TRIO: variants seen among roughly 807,000 people sequenced by gnomAD.
TRIO encodes the protein triple functional domain protein.
A neutral mutation model predicts 351.9 loss-of-function variants in TRIO; 58 were observed. That is an observed-to-expected ratio of 0.16 (90% confidence interval 0.13 to 0.21). The LOEUF is 0.21. Ranked by LOEUF, TRIO falls within the 10% of genes least tolerant of loss-of-function variation. The probability of loss-of-function intolerance (pLI) is 1.00; values close to 1 mark genes in which losing one functional copy is unlikely to be tolerated. For missense variants in TRIO, 3,201 were observed against 4,027.8 expected (o/e 0.79, Z 5.56); for synonymous variants, 1,758 against 1,595.7 (o/e 1.10, Z -2.42).
In TRIO at chr5:14,472,712, A is replaced by G. The variant is rs149771551; in HGVS notation, c.5979+54A>G. 1,974 of 1,593,858 alleles carry G rather than the reference A, an allele frequency of 1.2e-3. 16 individuals carry two copies. The African/African-American group carries it at 0.023, about 19-fold the overall frequency. ...CGTATCAGTTCCAAGAGTTGTCAAA[A>G]GTAGTATCGTTTTAGACAGTTGAAC... On this transcript the variant is annotated intron_variant, in intron 39 of 56. Coordinates refer to ENST00000344204, the MANE Select transcript of TRIO (RefSeq NM_007118.4).
Position 14,498,921 on chromosome 5 carries a change from C to T in TRIO, c.8332+281C>T, listed in dbSNP as rs79777424. The stretch of plus-strand genomic sequence containing the variant: ...TGCCTGGTGAAGGCCTCTGGCTGCC[C>T]ACCATGGGGCACCAGGGCCCCCCAC... On this transcript the variant is annotated intron_variant, in intron 53 of 56. Transcript: ENST00000344204. The T allele has an allele frequency of 1.2e-3, 391 of 338,354 alleles. 1 individual carries two copies. Among genetic ancestry groups the T allele is most frequent in the African/African-American group, 7.2e-3 (348 of 48,480 alleles). The allele number at this position is 338,354 out of a possible 1,614,324, so 21.0% of individuals were successfully genotyped here.
chr5:14,340,810 C>T (rs1741876985), intron 11 of TRIO, among the ~76,000 whole-genome samples: 1 of 152,166 alleles, frequency 6.6e-6, no homozygotes, highest in African/African-American at 2.4e-5. Context: ...AGAATAGACA[C>T]TTGTTCCTGA....
At chr5:14,472,694 G>T (rs370441710) in intron 39 of TRIO, 36 bp downstream of exon 39, 10 of 1,607,272 alleles carry the variant, frequency 6.2e-6, no homozygotes, top group Admixed American at 1.7e-5. Context: ...CTTCGTATCA[G>T]TTCCAAGAGT....
intron 1 of TRIO, among the ~76,000 whole-genome samples, chr5:14,212,127 A>C (rs1791944265): frequency 6.6e-6 from 1 of 152,108 alleles, no homozygotes. Context: ...CGACAGAGTG[A>C]GACATTGTCT....
intron 1 of TRIO, among the ~76,000 whole-genome samples, chr5:14,182,135 C>A (rs955485842): frequency 6.6e-6 from 1 of 151,390 alleles, no homozygotes; most frequent in African/African-American, 2.4e-5. Context: ...ACAGTAATGA[C>A]GTCTCTGAGC....
chr5:14,457,393 GC>G (rs1263107590), intron 34 of TRIO, among the ~76,000 whole-genome samples: 469 of 68,814 alleles, frequency 6.8e-3, no homozygotes, highest in Middle Eastern at 0.02. Context: ...CCCCCGCCCC[GC>G]CCCCCGGTAC....
chr5:14,237,694 T>TG (rs1215280943), intron 1 of TRIO, among the ~76,000 whole-genome samples: 2 of 152,222 alleles, frequency 1.3e-5, no homozygotes, highest in African/African-American at 4.8e-5. Context: ...ATCAGCATGG[T>TG]GTTTAAAATG....
At chr5:14,367,533 A>C (rs1744709596) in intron 16 of TRIO, among the ~76,000 whole-genome samples, 1 of 152,260 alleles carries the variant, frequency 6.6e-6, no homozygotes, top group Non-Finnish European at 1.5e-5. Flanking sequence ...CTGCCATGCC[A>C]GAACTGTCGC....
intron 9 of TRIO, among the ~76,000 whole-genome samples, chr5:14,318,964 T>C (rs354919): frequency 0.045 from 6,868 of 152,078 alleles, 547 homozygotes; most frequent in African/African-American, 0.16. Flanking sequence ...CTTTCTCTCA[T>C]CTCATGCTTA....
chr5:14,344,006 A>G (rs762651626), intron 11 of TRIO, among the ~76,000 whole-genome samples: 34 of 152,380 alleles, frequency 2.2e-4, no homozygotes, highest in Non-Finnish European at 3.7e-4. Context: ...TTCAGTGTAT[A>G]TGATCGAGCC....
rs562071510 is a variant in TRIO at position 14,330,658 on chromosome 5, C to T, written c.1732-120C>T. ...ATTACTTCTTCCCATTTTTTTTTCT[C>T]GTTTGCTTCTTGTTTCTTACAGAGT... On this transcript the variant is annotated intron_variant, in intron 9 of 56. Coordinates refer to ENST00000344204, the MANE Select transcript of TRIO (RefSeq NM_007118.4). The T allele has an allele frequency of 1.0e-4, 128 of 1,272,462 alleles. No homozygotes were observed. In the African/African-American group the frequency reaches 1.2e-3, roughly 12 times the overall value. The allele number at this position is 1,272,462 out of a possible 1,614,324, so 78.8% of individuals were successfully genotyped here.
At chr5:14,228,649 T>C (rs955853979) in intron 1 of TRIO, among the ~76,000 whole-genome samples, 2 of 152,132 alleles carry the variant, frequency 1.3e-5, no homozygotes, top group African/African-American at 4.8e-5. Flanking sequence ...TTTGACTAAG[T>C]TTTTTGGAAT....
chr5:14,276,165 A>T (rs1283277267), intron 2 of TRIO, among the ~76,000 whole-genome samples: 1 of 151,970 alleles, frequency 6.6e-6, no homozygotes, highest in African/African-American at 2.4e-5. Context: ...CTGGTACCTT[A>T]GTTCTTCATG....
At chr5:14,244,697 C>T (rs1005196642) in intron 1 of TRIO, among the ~76,000 whole-genome samples, 2 of 152,238 alleles carry the variant, frequency 1.3e-5, no homozygotes, top group Non-Finnish European at 2.9e-5. Context: ...TTTGACTCCT[C>T]ACCGTAGCCC....
Position 14,472,585 on chromosome 5 carries a change from T to C in TRIO, c.5913-7T>C. On this transcript the variant is annotated splice_region_variant and splice_polypyrimidine_tract_variant and intron_variant, in intron 38 of 56. Transcript: ENST00000344204. ...TTTGCATGATAAACAATATTTTTTC[T>C]CTCCAGCTACGTTTTGCAAGAACTA... The C allele has an allele frequency of 6.2e-7, 1 of 1,613,906 alleles. No homozygotes were observed. The highest frequency in any genetic ancestry group is 8.5e-7 in the Non-Finnish European group (1 of 1,179,892).
In TRIO at chr5:14,439,442, A is replaced by G. The variant is rs956333133; in HGVS notation, c.5203+19421A>G. On this transcript the variant is annotated intron_variant, in intron 34 of 56. Coordinates refer to ENST00000344204, the MANE Select transcript of TRIO (RefSeq NM_007118.4). ...GAGAACTTATATTACACATAAAGTA[A>G]TTAAATTCCCTGACAGCTCTTTTTT... Among the ~76,000 whole-genome samples, 16 of 152,248 alleles carry G rather than the reference A, an allele frequency of 1.1e-4. 1 individual carries two copies. The highest frequency in any genetic ancestry group is 1.0e-3 in the Admixed American group (16 of 15,286).
intron 33 of TRIO, among the ~76,000 whole-genome samples, chr5:14,418,381 G>A (rs1165536170): frequency 1.3e-5 from 2 of 152,186 alleles, no homozygotes; most frequent in African/African-American, 4.8e-5. Flanking sequence ...CTGTGAGGGA[G>A]GAAGCTCAGG....
intron 34 of TRIO, among the ~76,000 whole-genome samples, chr5:14,454,621 C>G (rs1753108029): frequency 6.6e-6 from 1 of 152,170 alleles, no homozygotes; most frequent in Non-Finnish European, 1.5e-5. Context: ...AGTGTATACT[C>G]ATTAAGCTCC....
intron 1 of TRIO, among the ~76,000 whole-genome samples, chr5:14,248,065 CAA>C (rs71599612): frequency 1.6e-4 from 21 of 132,370 alleles, no homozygotes; most frequent in Admixed American, 3.1e-4. Context: ...GACTCCGTCT[CAA>C]AAAAAAAAAA....
Sources: allele counts gnomAD v4.1 joint callset (sites outside exome capture counted in the v4.1 genomes callset), GRCh38; gene constraint gnomAD v4.1.1; transcripts MANE v1.5; gene names NCBI Gene and HGNC (gene_info 2026-07-23, HGNC 2026-07-21).